The following TTC23L variants were observed in gnomAD, a reference collection of about 807,000 sequenced individuals.
The protein encoded by TTC23L is tetratricopeptide repeat protein 23-like.
In TTC23L, 42 loss-of-function variants were observed where a neutral mutation model predicts 48.1. The observed-to-expected ratio is 0.87, with a 90% CI of 0.68 to 1.13. TTC23L has a LOEUF of 1.13. TTC23L is among the 50% of genes most tolerant of loss of function. The pLI is 0.00. For synonymous variants in TTC23L, 159 were observed against 157.2 expected, an observed-to-expected ratio of 1.01 and a Z score of -0.09; for missense variants, 391 against 421.0, an observed-to-expected ratio of 0.93 and a Z score of 0.62.
At chr5:34,869,102 A>G (rs1035860344) in intron 8 of TTC23L, 89 bp downstream of exon 8, 7 of 1,075,904 alleles carry the variant, frequency 6.5e-6, no homozygotes, top group African/African-American at 4.8e-5. Context: ...CTAATTAGCT[A>G]TTTATTCCTG....
the TTC23L span, among the ~76,000 whole-genome samples, chr5:34,910,406 C>T: frequency 6.6e-6 from 1 of 151,756 alleles, no homozygotes; most frequent in South Asian, 2.1e-4. Context: ...AAAGTCATGA[C>T]AAGGGCCTGT....
At chr5:34,910,354 T>A in the TTC23L span, among the ~76,000 whole-genome samples, 1 of 152,166 alleles carries the variant, frequency 6.6e-6, no homozygotes, top group Non-Finnish European at 1.5e-5. Flanking sequence ...ATTTCCATTT[T>A]GGTTAACTTT....
the TTC23L span, chr5:34,914,598 T>C: frequency 1.8e-6 from 2 of 1,111,374 alleles, no homozygotes; most frequent in East Asian, 2.4e-5. Flanking sequence ...CAAGTTATTA[T>C]GACTATTAAG....
chr5:34,901,702 C>T (rs1763515505), downstream of TTC23L, among the ~76,000 whole-genome samples: 2 of 152,012 alleles, frequency 1.3e-5, no homozygotes, highest in Non-Finnish European at 2.9e-5. Context: ...GTGGAGGTTG[C>T]GGTGAGCTGA....
intron 1 of TTC23L, chr5:34,839,536 C>G (rs1374171661): frequency 1.4e-6 from 1 of 699,132 alleles, no homozygotes; most frequent in Non-Finnish European, 1.8e-6. Flanking sequence ...GAACAGAGTC[C>G]GGGAGTTTGA....
chr5:34,851,435 A>G (rs763886245), intron 4 of TTC23L, among the ~76,000 whole-genome samples: 14 of 152,148 alleles, frequency 9.2e-5, no homozygotes, highest in Non-Finnish European at 1.6e-4. Context: ...TTTATTTTTA[A>G]TGCAACTTTA....
At chr5:34,908,601 T>C in the TTC23L span, 3 of 572,228 alleles carry the variant, frequency 5.2e-6, no homozygotes, top group Non-Finnish European at 9.1e-6. Flanking sequence ...CAAAATGGAT[T>C]TACAAAACAT....
At chr5:34,924,844 A>C in the TTC23L span, 1 of 1,592,480 alleles carries the variant, frequency 6.3e-7, no homozygotes, top group Non-Finnish European at 8.6e-7. Flanking sequence ...CTTTTTATTA[A>C]AGATCATAGA....
chr5:34,855,478 G>A (rs1370036832), intron 4 of TTC23L, among the ~76,000 whole-genome samples: 4 of 152,178 alleles, frequency 2.6e-5, no homozygotes, highest in Non-Finnish European at 5.9e-5. Flanking sequence ...GAGAATGGGT[G>A]AGAAGGTAAG....
intron 9 of TTC23L, among the ~76,000 whole-genome samples, chr5:34,881,921 C>T (rs1226954866): frequency 6.6e-6 from 1 of 151,970 alleles, no homozygotes; most frequent in East Asian, 1.9e-4. Flanking sequence ...CCCACCACTA[C>T]ACCCGGCTAA....
the TTC23L span, chr5:34,907,891 A>G: frequency 6.6e-6 from 1 of 152,210 alleles, no homozygotes; most frequent in East Asian, 1.9e-4. Flanking sequence ...AGAAAAAAAA[A>G]GTTTCCTTTA....
the TTC23L span, chr5:34,908,652 A>G: frequency 3.3e-3 from 3,175 of 967,922 alleles, 80 homozygotes; most frequent in African/African-American, 0.047. Flanking sequence ...TATCTTCCCC[A>G]TTGTGCTTCT....
chr5:34,868,263 T>C (rs1761206354), intron 7 of TTC23L: 1 of 152,284 alleles, frequency 6.6e-6, no homozygotes, highest in African/African-American at 2.4e-5. Flanking sequence ...TCCAAAGTCT[T>C]CTCTGATAAC....
At position 34,850,280 on chromosome 5, in the gene TTC23L, C is replaced by G. The variant is rs1759564044; in HGVS notation, c.351C>G (p.Asn117Lys). 4 of 1,613,750 alleles carry G rather than the reference C, an allele frequency of 2.5e-6. No individual in the cohort carries two copies. In the Admixed American group the frequency reaches 6.7e-5, roughly 27 times the overall value. Residue 117 changes from asparagine (N) to lysine (K), a missense_variant, in exon 4 of 11, where the codon AAC becomes AAG. Coordinates refer to ENST00000505624, the Ensembl canonical transcript of TTC23L. ...GGAAATGTGCACGAGCTCTGGCCAA[C>G]CTAGCTTATGGCTACTTGACACTGA...
the TTC23L span, chr5:34,908,671 G>C: frequency 8.5e-7 from 1 of 1,178,028 alleles, no homozygotes. Context: ...CTTCTCTATA[G>C]AAAATCCAAT....
At chr5:34,896,361 G>A in intron 9 of TTC23L, among the ~76,000 whole-genome samples, 1 of 152,182 alleles carries the variant, frequency 6.6e-6, no homozygotes, top group South Asian at 2.1e-4. Context: ...TGGGGTACGG[G>A]TGGGGGAACA....
At chr5:34,884,213 T>G (rs1318381574) in intron 9 of TTC23L, among the ~76,000 whole-genome samples, 1 of 152,080 alleles carries the variant, frequency 6.6e-6, no homozygotes, top group African/African-American at 2.4e-5. Context: ...CTTTTCATGA[T>G]TAAAAAGAAA....
chr5:34,909,827 C>G, the TTC23L span, among the ~76,000 whole-genome samples: 1 of 152,168 alleles, frequency 6.6e-6, no homozygotes, highest in Non-Finnish European at 1.5e-5. Flanking sequence ...TATTTGTAGA[C>G]AATTTATAAG....
chr5:34,902,499 G>A (rs889801477), downstream of TTC23L: 3 of 240,146 alleles, frequency 1.2e-5, no homozygotes, highest in African/African-American at 2.3e-5. Flanking sequence ...CTATATCAAC[G>A]CACTCAGTGC....
Sources: gnomAD v4.1 joint callset for allele counts (sites outside exome capture counted in the v4.1 genomes callset) on GRCh38, gnomAD v4.1.1 for gene constraint, MANE v1.5 for transcripts, NCBI Gene and HGNC (gene_info 2026-07-23, HGNC 2026-07-21) for gene names.